SORCS2: variants seen among roughly 807,000 people sequenced by gnomAD.
SORCS2 encodes VPS10 domain-containing receptor SorCS2.
SORCS2 carries 100 observed loss-of-function variants against 141.6 expected under a neutral mutation model. That is an observed-to-expected ratio of 0.71 (90% CI 0.60 to 0.83). SORCS2 has a LOEUF of 0.83. Ranked by LOEUF, SORCS2 falls within the 40% of genes least tolerant of loss-of-function variation. SORCS2 has a pLI of 0.00. For missense variants in SORCS2, 1,646 were observed against 1,560.2 expected (o/e 1.05, Z -0.93); for synonymous variants, 789 against 676.9 (o/e 1.17, Z -2.57).
At chr4:7,725,005 ATGGTGGTGGTGGTGG>A (rs373326590) in intron 19 of SORCS2, 134 bp from the exon 20 acceptor site, 1 of 799,334 alleles carries the variant, frequency 1.3e-6, no homozygotes, top group African/African-American at 2.0e-5. Context: ...AGTAGTGGTG[ATGGTGGTGGTGGTGG>A]TGGTGGTGAT....
At chr4:7,403,993 ATATATTTTTTT>A (rs1179342741) in intron 2 of SORCS2, among the ~76,000 whole-genome samples, 95 of 7,706 alleles carry the variant, frequency 0.012, 3 homozygotes, top group African/African-American at 0.035. Flanking sequence ...ATATATATAT[ATATATTTTTTT>A]TTTTTTTTTA....
chr4:7,193,219 C>G lies in SORCS2; in HGVS notation c.480+93C>G. The G allele has an allele frequency of 7.7e-7, 1 of 1,305,568 alleles. No homozygotes were observed. The highest frequency in any genetic ancestry group is 9.7e-7 in the Non-Finnish European group (1 of 1,026,124). 80.9% of individuals were successfully genotyped at this position (1,305,568 alleles called of 1,614,324 possible). On this transcript the variant is annotated intron_variant, in intron 1 of 26. Transcript: ENST00000507866. This position sits in a 1 kb window ranked among gnomAD's most constrained non-coding sequence, Gnocchi z 4.8. ...CCACGGCCCCCACCCCAGATCCCCACTATGGTCATCAGGGGCGGGTTCTTG... is the reference window on the plus strand; with the variant it reads ...CCACGGCCCCCACCCCAGATCCCCAGTATGGTCATCAGGGGCGGGTTCTTG...
intron 1 of SORCS2, among the ~76,000 whole-genome samples, chr4:7,383,610 G>C (rs1054227432): frequency 2.0e-5 from 3 of 152,166 alleles, no homozygotes; most frequent in African/African-American, 7.2e-5. Context: ...CACTTTTTAT[G>C]TCGAAAGACG....
intron 1 of SORCS2, among the ~76,000 whole-genome samples, chr4:7,243,081 C>G (rs1313699390): frequency 5.3e-5 from 8 of 152,146 alleles, no homozygotes; most frequent in African/African-American, 2.4e-5. Flanking sequence ...TGGTGAGGTG[C>G]TGACCCCACC....
chr4:7,629,124 C>T (rs911995506), intron 3 of SORCS2, among the ~76,000 whole-genome samples: 11 of 152,076 alleles, frequency 7.2e-5, no homozygotes, highest in East Asian at 1.9e-4. Flanking sequence ...GGTGAGGCGA[C>T]GGCTGTGTTG....
At chr4:7,226,943 G>A (rs567986278) in intron 1 of SORCS2, among the ~76,000 whole-genome samples, 9 of 152,302 alleles carry the variant, frequency 5.9e-5, no homozygotes, top group African/African-American at 9.6e-5. Flanking sequence ...CCTCGATGCC[G>A]CCATGTGGCT....
At chr4:7,676,411 G>T (rs1010346179) in intron 9 of SORCS2, among the ~76,000 whole-genome samples, 182 bp downstream of exon 9, 3 of 152,166 alleles carry the variant, frequency 2.0e-5, no homozygotes, top group Non-Finnish European at 2.9e-5. Context: ...TATTATGTAG[G>T]TATTTTTAGA....
chr4:7,380,763 C>G (rs894895449), intron 1 of SORCS2, among the ~76,000 whole-genome samples: 1 of 152,180 alleles, frequency 6.6e-6, no homozygotes, highest in South Asian at 2.1e-4. Context: ...TATTTATGGC[C>G]GTGATGTGAA....
intron 2 of SORCS2, among the ~76,000 whole-genome samples, chr4:7,405,027 T>C (rs928668022): frequency 1.4e-4 from 22 of 152,320 alleles, no homozygotes; most frequent in Admixed American, 1.2e-3. Context: ...GAGTTGATTT[T>C]TGTATATGGT....
chr4:7,654,036 C>G, intron 4 of SORCS2, 98 bp from the exon 5 acceptor site: 1 of 1,161,368 alleles, frequency 8.6e-7, no homozygotes. Flanking sequence ...GATGACTTCT[C>G]CTGGGGGATC....
intron 3 of SORCS2, among the ~76,000 whole-genome samples, chr4:7,565,133 C>T (rs1016481188): frequency 2.0e-5 from 3 of 152,184 alleles, no homozygotes; most frequent in African/African-American, 7.2e-5. Context: ...AGACTCCACT[C>T]GCTCAGGCTG....
intron 20 of SORCS2, 34 bp downstream of exon 20, chr4:7,725,321 C>T (rs944654665): frequency 6.3e-7 from 1 of 1,596,582 alleles, no homozygotes. Flanking sequence ...AGCCCTTCTT[C>T]CCGCAGGCTC....
chr4:7,732,368 G>T (rs1711768584), intron 23 of SORCS2, among the ~76,000 whole-genome samples: 1 of 152,194 alleles, frequency 6.6e-6, no homozygotes, highest in Admixed American at 6.5e-5. Flanking sequence ...GACCTGGGAA[G>T]TAGTGAGAGG....
chr4:7,595,776 G>T (rs982307727), intron 3 of SORCS2, among the ~76,000 whole-genome samples: 40 of 152,288 alleles, frequency 2.6e-4, no homozygotes, highest in Non-Finnish European at 1.9e-4. Flanking sequence ...GATGGGTAGG[G>T]ACAGTGGTTC....
At chr4:7,499,660 C>G (rs999269350) in intron 2 of SORCS2, among the ~76,000 whole-genome samples, 1 of 150,902 alleles carries the variant, frequency 6.6e-6, no homozygotes, top group African/African-American at 2.5e-5. Context: ...CTGGCCATCC[C>G]CCCTCATTTT....
At chr4:7,593,572 G>A (rs904548937) in intron 3 of SORCS2, among the ~76,000 whole-genome samples, 3 of 151,904 alleles carry the variant, frequency 2.0e-5, no homozygotes, top group Non-Finnish European at 4.4e-5. Context: ...TTCCGTCTTC[G>A]TGCCTGGCCG....
intron 13 of SORCS2, among the ~76,000 whole-genome samples, chr4:7,703,786 C>T (rs1292957050): frequency 6.6e-6 from 1 of 152,220 alleles, no homozygotes; most frequent in African/African-American, 2.4e-5. Context: ...ACCCAGAAGG[C>T]ACAGCCGGAG....
intron 21 of SORCS2, among the ~76,000 whole-genome samples, chr4:7,727,875 G>A (rs550668247): frequency 6.6e-6 from 1 of 152,268 alleles, no homozygotes; most frequent in African/African-American, 2.4e-5. Context: ...AAGAAGACAG[G>A]GCCTCTGCTC....
chr4:7,223,177 GA>G (rs1190621961), intron 1 of SORCS2, among the ~76,000 whole-genome samples: 1 of 152,164 alleles, frequency 6.6e-6, no homozygotes, highest in African/African-American at 2.4e-5. Flanking sequence ...AAGGCCTAAG[GA>G]AAAAGAAACT....
Sources: allele counts gnomAD v4.1 joint callset (sites outside exome capture counted in the v4.1 genomes callset), GRCh38; gene constraint gnomAD v4.1.1; non-coding constraint Gnocchi (gnomAD v3.1); transcripts MANE v1.5; gene names NCBI Gene and HGNC (gene_info 2026-07-23, HGNC 2026-07-21).